PPEF1: variants seen among roughly 807,000 people sequenced by gnomAD.
PPEF1 encodes serine/threonine-protein phosphatase with EF-hands 1.
In PPEF1, 12 loss-of-function variants were observed where a neutral mutation model predicts 53.3. The observed-to-expected ratio is 0.23, with a 90% CI of 0.14 to 0.36. The LOEUF (loss-of-function observed/expected upper bound fraction) is 0.36, where lower values mean the gene tolerates loss of function less well. Ranked by LOEUF, PPEF1 falls within the 10% of genes least tolerant of loss-of-function variation. The pLI is 1.00. For missense variants in PPEF1, 334 were observed against 490.4 expected, an observed-to-expected ratio of 0.68 and a Z score of 3.01; for synonymous variants, 165 against 176.7, an observed-to-expected ratio of 0.93 and a Z score of 0.52.
chrX:18,707,861 A>G (rs751766810), intron 1 of PPEF1, 35 bp downstream of exon 1: 2 of 1,152,925 alleles, frequency 1.7e-6, no homozygotes, highest in Admixed American at 4.4e-5. Context: ...GTTATGAATG[A>G]AAAGGGGAAA....
chrX:18,711,936 G>T (rs751984784), intron 1 of PPEF1, among the ~76,000 whole-genome samples: 244 of 110,701 alleles, frequency 2.2e-3, no homozygotes, highest in African/African-American at 7.6e-3. Flanking sequence ...TGTATTTTTG[G>T]TAGAGACGGG....
intron 4 of PPEF1, among the ~76,000 whole-genome samples, chrX:18,694,738 C>T (rs930569697): frequency 9.0e-6 from 1 of 111,032 alleles, no homozygotes; most frequent in African/African-American, 3.3e-5. Flanking sequence ...CCTGTCTCAA[C>T]CCCCCCACCC....
chrX:18,715,533 CA>C (rs199951753), intron 1 of PPEF1, among the ~76,000 whole-genome samples: 1 of 104,856 alleles, frequency 9.5e-6, no homozygotes, highest in Non-Finnish European at 2.0e-5. Context: ...GACTCCATCT[CA>C]AAAAAAAAAG....
intron 3 of PPEF1, among the ~76,000 whole-genome samples, chrX:18,687,359 C>A (rs767807653): frequency 9.0e-6 from 1 of 111,394 alleles, no homozygotes; most frequent in Non-Finnish European, 1.9e-5. Flanking sequence ...TCATTCGTTA[C>A]GTCAACCCAG....
intron 6 of PPEF1, among the ~76,000 whole-genome samples, chrX:18,778,044 G>A (rs370572318): frequency 2.7e-5 from 3 of 111,182 alleles, no homozygotes; most frequent in Non-Finnish European, 5.7e-5. Context: ...CATGCCTGGC[G>A]AAGGTAACCT....
At chrX:18,721,716 G>GA (rs1365496307) in intron 1 of PPEF1, among the ~76,000 whole-genome samples, 2 of 111,790 alleles carry the variant, frequency 1.8e-5, no homozygotes, top group Non-Finnish European at 3.8e-5. Context: ...ACCCCATGTG[G>GA]ATGGGGTTGG....
At position 18,775,978 on chromosome X, in the gene PPEF1, G is replaced by C. The variant is rs369586872; in HGVS notation, c.559-3032G>C. On this transcript the variant is annotated intron_variant, in intron 6 of 15. Transcript: ENST00000470157. ...CCAAGATCACACACATGCTGAGGCA[G>C]AGCCACCCCCTTAATCAAGTGTCCA... Among the ~76,000 whole-genome samples the C allele has an allele frequency of 3.6e-3, 405 of 111,558 alleles. 1 individual carries two copies. Among genetic ancestry groups the C allele is most frequent in the African/African-American group, 0.013 (385 of 30,674 alleles).
chrX:18,800,461 A>G (rs891089416), intron 10 of PPEF1, among the ~76,000 whole-genome samples: 1 of 111,506 alleles, frequency 9.0e-6, no homozygotes, highest in Non-Finnish European at 1.9e-5. Context: ...ACAGATTGAA[A>G]ATATTTGGAA....
chrX:18,776,247 T>TTGGTTGGTTGGTTG (rs755222719), intron 6 of PPEF1, among the ~76,000 whole-genome samples: 1 of 104,732 alleles, frequency 9.5e-6, no homozygotes, highest in African/African-American at 3.5e-5. Flanking sequence ...TTGGTTGGTT[T>TTGGTTGGTTGGTTG]GTTTTAGACA....
intron 9 of PPEF1, among the ~76,000 whole-genome samples, chrX:18,788,029 G>A (rs908549653): frequency 1.8e-5 from 2 of 111,966 alleles, no homozygotes; most frequent in East Asian, 2.8e-4. Flanking sequence ...AAGAAACTAA[G>A]TGCTTGGCCG....
chrX:18,791,016 T>C (rs1807688395), intron 10 of PPEF1, among the ~76,000 whole-genome samples: 1 of 111,629 alleles, frequency 9.0e-6, no homozygotes, highest in Non-Finnish European at 1.9e-5. Context: ...TGTTAAATTT[T>C]CTTGACACCC....
chrX:18,739,729 A>C (rs1489616132), intron 3 of PPEF1, among the ~76,000 whole-genome samples: 1 of 112,316 alleles, frequency 8.9e-6, no homozygotes, highest in Non-Finnish European at 1.9e-5. Context: ...CCCTGCCCCC[A>C]GAGGTGGCGT....
chrX:18,723,769 C>A (rs2044641657), intron 1 of PPEF1, among the ~76,000 whole-genome samples: 1 of 109,488 alleles, frequency 9.1e-6, no homozygotes, highest in Non-Finnish European at 1.9e-5. Context: ...AGATGCTATT[C>A]TATATACCAT....
chrX:18,742,850 GAA>G (rs34211576), intron 3 of PPEF1, among the ~76,000 whole-genome samples: 16 of 97,317 alleles, frequency 1.6e-4, no homozygotes, highest in Non-Finnish European at 1.4e-4. Context: ...CTCCATCTCA[GAA>G]AAAAAAAAAA....
chrX:18,782,492 C>T (rs1476437751), intron 8 of PPEF1, 90 bp downstream of exon 8: 1 of 759,290 alleles, frequency 1.3e-6, no homozygotes, highest in Non-Finnish European at 1.9e-6. Context: ...CAGATTGATG[C>T]TTTAGGAAAG....
intron 10 of PPEF1, among the ~76,000 whole-genome samples, chrX:18,794,076 T>C (rs185753105): frequency 1.4e-4 from 16 of 112,832 alleles, no homozygotes; most frequent in African/African-American, 4.8e-4. Flanking sequence ...GATTGCTCTA[T>C]TGTTTTTAAC....
intron 5 of PPEF1, among the ~76,000 whole-genome samples, chrX:18,699,728 G>A (rs1159043507): frequency 9.0e-6 from 1 of 111,589 alleles, no homozygotes; most frequent in Non-Finnish European, 1.9e-5. Flanking sequence ...TCTCCAATAA[G>A]GAGCTACTGA....
At chrX:18,718,282 G>A (rs920114480) in intron 1 of PPEF1, among the ~76,000 whole-genome samples, 8 of 111,851 alleles carry the variant, frequency 7.2e-5, no homozygotes, top group African/African-American at 2.6e-4. Context: ...ACCTTTAGAA[G>A]GCAGAAAGGC....
chrX:18,697,835 C>CT (rs1406141549), intron 4 of PPEF1: 1 of 110,720 alleles, frequency 9.0e-6, no homozygotes, highest in African/African-American at 3.3e-5. Flanking sequence ...ATCATTTTTT[C>CT]TTTTTTCAGG....
Sources: allele counts gnomAD v4.1 joint callset (sites outside exome capture counted in the v4.1 genomes callset), GRCh38; gene constraint gnomAD v4.1.1; transcripts MANE v1.5; gene names NCBI Gene and HGNC (gene_info 2026-07-23, HGNC 2026-07-21).